DIPK2A: variants seen among roughly 807,000 people sequenced by gnomAD.
The protein encoded by DIPK2A is Golgi Protein of 49 kDa.
In DIPK2A, 27 loss-of-function variants were observed where a neutral mutation model predicts 39.0. The ratio of observed to expected loss-of-function variants is 0.69; its 90% CI spans 0.51 to 0.96. The LOEUF (loss-of-function observed/expected upper bound fraction) is 0.96. DIPK2A is among the 40% of genes least tolerant of loss of function. The probability of loss-of-function intolerance (pLI) is 0.00; values close to 1 mark genes in which losing one functional copy is unlikely to be tolerated. For missense variants in DIPK2A, 528 were observed against 571.3 expected, an observed-to-expected ratio of 0.92 and a Z score of 0.77; for synonymous variants, 298 against 240.8, an observed-to-expected ratio of 1.24 and a Z score of -2.20.
rs2087891051 is a variant in DIPK2A at position 143,985,819 on chromosome 3, G to GT, written c.936dup (p.Ala313CysfsTer2). 6.2e-7 allele frequency: 1 copy of GT among 1,612,824 alleles called. No homozygotes were observed. Among genetic ancestry groups the GT allele is most frequent in the South Asian group, 1.1e-5 (1 of 90,874 alleles). The stretch of plus-strand genomic sequence containing the variant: ...CATTGTGGATGCTGAAAATGTTTTG[G>GT]TTGCTGACAAAAGATTAATTAGACA... On this transcript the variant is annotated frameshift_variant, in exon 2 of 3. Coordinates refer to ENST00000315691, the MANE Select transcript of DIPK2A (RefSeq NM_173552.5). LOFTEE classifies it high-confidence loss of function.
intron 1 of DIPK2A, among the ~76,000 whole-genome samples, chr3:143,981,697 C>CA (rs2087831914): frequency 6.6e-6 from 1 of 151,918 alleles, no homozygotes; most frequent in African/African-American, 2.4e-5. Flanking sequence ...AAAAACAAAA[C>CA]AAAAAATAAA....
In DIPK2A at chr3:143,989,711, A is replaced by T. The variant is rs768461765; in HGVS notation, c.1163A>T (p.Glu388Val). The change falls in exon 3 of 3, where the codon GAA becomes GTA. Residue 388 changes from glutamate to valine, a missense_variant. This residue lies in a region of DIPK2A where 219 missense variants were observed against 281.5 expected (regional missense o/e 0.78). Coordinates refer to ENST00000315691, the MANE Select transcript of DIPK2A (RefSeq NM_173552.5). ...GGACTCCTTCATGATCCACCAAGTG[A>T]AATTGCCAAAGATGGCCGGCTCGAG... ...SGGLLHDPPS[E>V]IAKDGRLEAL... 1 of 1,614,258 alleles carries T rather than the reference A, an allele frequency of 6.2e-7. No individual in the cohort carries two copies. Among genetic ancestry groups the T allele is most frequent in the Admixed American group, 1.7e-5 (1 of 60,034 alleles).
At chr3:143,979,868 ATAT>A (rs959151061) in intron 1 of DIPK2A, among the ~76,000 whole-genome samples, 2 of 152,186 alleles carry the variant, frequency 1.3e-5, no homozygotes, top group Non-Finnish European at 2.9e-5. Context: ...GCATTGTTTA[ATAT>A]TGTTGGAATT....
chr3:143,986,722 C>CAAAA (rs11293429), intron 2 of DIPK2A, among the ~76,000 whole-genome samples: 1 of 67,044 alleles, frequency 1.5e-5, no homozygotes, highest in African/African-American at 4.0e-5. Flanking sequence ...GACTCCGTCT[C>CAAAA]AAAAAAAAAA....
Position 143,989,753 on chromosome 3 carries a change from G to A in DIPK2A, c.1205G>A (p.Cys402Tyr). Residue 402 changes from cysteine to tyrosine, a missense_variant, in exon 3 of 3, where the codon TGT (cysteine) becomes TAT (tyrosine). Cys to Tyr is a radical substitution (Grantham distance 194). Around this residue, in one of 2 missense-constraint regions of DIPK2A, gnomAD observed 219 missense variants for 281.5 expected, o/e 0.78. Coordinates refer to ENST00000315691, the MANE Select transcript of DIPK2A (RefSeq NM_173552.5). ...CGGCTCGAGGCCTTGCTGGATGAGT[G>A]TGCCAACCCAAAGAAGCGCTATGGC... Reference protein sequence around the residue: ...DGRLEALLDECANPKKRYGRF... With the variant: ...DGRLEALLDEYANPKKRYGRF... The A allele has an allele frequency of 6.2e-7, 1 of 1,614,240 alleles. No individual in the cohort carries two copies. The highest frequency in any genetic ancestry group is 8.5e-7 in the Non-Finnish European group (1 of 1,180,050).
chr3:143,972,996 G>A lies in DIPK2A; in HGVS notation c.657+7G>A. On this transcript the variant is annotated splice_region_variant and intron_variant, in intron 1 of 2. Transcript: ENST00000315691. ...CGAGCCGCTGGTGCTACAGGTAGGC[G>A]CGGAGCCAGGGCAGGGGGCGTCCTG... The A allele has an allele frequency of 6.4e-7, 1 of 1,574,338 alleles. No individual in the cohort carries two copies. Among genetic ancestry groups the A allele is most frequent in the Non-Finnish European group, 8.6e-7 (1 of 1,163,278 alleles).
chr3:143,985,028 A>G (rs2087878781), intron 1 of DIPK2A, among the ~76,000 whole-genome samples: 1 of 152,158 alleles, frequency 6.6e-6, no homozygotes, highest in Non-Finnish European at 1.5e-5. Flanking sequence ...CATATTCATA[A>G]TTATTTGTTT....
chr3:143,983,843 A>G (rs936933769), intron 1 of DIPK2A, among the ~76,000 whole-genome samples: 1 of 144,480 alleles, frequency 6.9e-6, no homozygotes, highest in South Asian at 2.1e-4. Context: ...AGGCTGTTTC[A>G]TCTACATTTT....
At chr3:143,978,664 A>ATC (rs2087780758) in intron 1 of DIPK2A, 1 of 47,316 alleles carries the variant, frequency 2.1e-5, no homozygotes, top group Non-Finnish European at 3.8e-5. Context: ...ATATATCTAT[A>ATC]TATAGATATA....
At chr3:143,986,916 A>T (rs574457383) in intron 2 of DIPK2A, among the ~76,000 whole-genome samples, 2 of 152,126 alleles carry the variant, frequency 1.3e-5, no homozygotes, top group African/African-American at 4.8e-5. Flanking sequence ...TCTTTTGACA[A>T]ACAAAGGCTG....
At chr3:143,973,116 C>A (rs1361795377) in intron 1 of DIPK2A, 127 bp downstream of exon 1, 11 of 1,317,814 alleles carry the variant, frequency 8.3e-6, no homozygotes, top group South Asian at 2.6e-5. Context: ...AGGCTGCAGG[C>A]GTGGGAAGGG....
At chr3:143,978,618 A>AC (rs2087768455) in intron 1 of DIPK2A, 1 of 32,746 alleles carries the variant, frequency 3.1e-5, no homozygotes, top group African/African-American at 4.0e-4. Context: ...ATATATATCT[A>AC]TATCTATATA....
intron 2 of DIPK2A, chr3:143,986,058 ATTG>A (rs1448422489): frequency 3.7e-6 from 2 of 544,438 alleles, no homozygotes; most frequent in Non-Finnish European, 6.4e-6. Context: ...AGTTGAAAAT[ATTG>A]TTATTTGAAA....
intron 1 of DIPK2A, chr3:143,978,665 T>TATAGATATATATATATCTATAC (rs2087781169): frequency 2.4e-5 from 1 of 42,482 alleles, no homozygotes; most frequent in Non-Finnish European, 4.1e-5. Flanking sequence ...TATATCTATA[T>TATAGATATATATATATCTATAC]ATAGATATAT....
intron 2 of DIPK2A, among the ~76,000 whole-genome samples, chr3:143,989,216 C>T (rs1321058743): frequency 2.0e-5 from 3 of 152,154 alleles, no homozygotes; most frequent in Non-Finnish European, 4.4e-5. Flanking sequence ...TTTAATTCCC[C>T]ACTATTCCTG....
chr3:143,983,227 A>G (rs1237144623), intron 1 of DIPK2A, among the ~76,000 whole-genome samples: 1 of 152,222 alleles, frequency 6.6e-6, no homozygotes, highest in Non-Finnish European at 1.5e-5. Flanking sequence ...AGTGGACCTA[A>G]TAGACATCTA....
At chr3:143,985,490 C>A in intron 1 of DIPK2A, 53 bp from the exon 2 acceptor site, 5 of 1,463,960 alleles carry the variant, frequency 3.4e-6, no homozygotes, top group Non-Finnish European at 4.7e-6. Context: ...TGAGGATAGA[C>A]CTAGGATATT....
Position 143,990,454 on chromosome 3 carries a change from T to A in DIPK2A, c.*613T>A, listed in dbSNP as rs1257606995. On this transcript the variant is annotated 3_prime_UTR_variant, in exon 3 of 3. Transcript: ENST00000315691. ...TTTTTTTTTTTTTTTTAAAGAAAGC[T>A]AAATATTACATTATGTAAATACTTC... is the stretch of plus-strand genomic sequence containing the variant. 6.6e-6 allele frequency: 1 copy of A among 151,146 alleles called. No individual in the cohort carries two copies. Among genetic ancestry groups the A allele is most frequent in the African/African-American group, 2.4e-5 (1 of 41,148 alleles). The allele number at this position is 151,146 out of a possible 1,614,324, so 9.4% of individuals were successfully genotyped here.
chr3:143,978,539 C>T (rs2087762519), intron 1 of DIPK2A: 1 of 150,940 alleles, frequency 6.6e-6, no homozygotes, highest in Non-Finnish European at 1.5e-5. Context: ...ACACAAATAA[C>T]TAATTATTAT....
Sources: gnomAD v4.1 joint callset for allele counts (sites outside exome capture counted in the v4.1 genomes callset) on GRCh38, gnomAD v4.1.1 for gene constraint, gnomAD v4.1.1 regional missense constraint, MANE v1.5 for transcripts, NCBI Gene and HGNC (gene_info 2026-07-23, HGNC 2026-07-21) for gene names.